ZNRF1: variants seen among roughly 807,000 people sequenced by gnomAD.
The protein encoded by ZNRF1 is zinc and ring finger 1.
In ZNRF1, 3 loss-of-function variants were observed where a neutral mutation model predicts 18.4. The ratio of observed to expected loss-of-function variants is 0.16; its 90% CI spans 0.07 to 0.42. ZNRF1 has a LOEUF of 0.42. Among genes scored for constraint, ZNRF1 ranks in the 10% least tolerant of loss-of-function variants. The pLI, the probability that ZNRF1 is intolerant of heterozygous loss-of-function variation, is 0.99. For missense variants in ZNRF1, 310 were observed against 329.8 expected (o/e 0.94, Z 0.47); for synonymous variants, 157 against 144.2 (o/e 1.09, Z -0.64).
At chr16:75,012,167 C>T (rs2035007813) in intron 1 of ZNRF1, among the ~76,000 whole-genome samples, 1 of 152,160 alleles carries the variant, frequency 6.6e-6, no homozygotes, top group African/African-American at 2.4e-5. Context: ...ATGCTGACAC[C>T]AAGCCCTGAA....
chr16:75,023,951 A>C (rs568859017), intron 1 of ZNRF1, among the ~76,000 whole-genome samples: 144 of 147,630 alleles, frequency 9.8e-4, no homozygotes, highest in African/African-American at 3.5e-3. Context: ...GCCCACTGCA[A>C]TCTCCACCTC....
At chr16:75,011,545 T>TTA (rs963752126) in intron 1 of ZNRF1, among the ~76,000 whole-genome samples, 7 of 152,200 alleles carry the variant, frequency 4.6e-5, no homozygotes, top group African/African-American at 1.7e-4. Flanking sequence ...AGACACTTTT[T>TTA]TATAGCTCTG....
chr16:75,058,033 A>G (rs1306836089), intron 1 of ZNRF1, among the ~76,000 whole-genome samples: 2 of 152,020 alleles, frequency 1.3e-5, no homozygotes, highest in African/African-American at 4.8e-5. Flanking sequence ...GAGGCCTGAG[A>G]GAGAACCGCA....
chr16:75,045,547 AG>A (rs1290690916), intron 1 of ZNRF1, among the ~76,000 whole-genome samples: 1 of 109,532 alleles, frequency 9.1e-6, no homozygotes, highest in African/African-American at 3.5e-5. Flanking sequence ...AGCCATCCAT[AG>A]TAATAGACTT....
intron 1 of ZNRF1, among the ~76,000 whole-genome samples, chr16:75,068,479 G>A (rs1280156850): frequency 1.3e-5 from 2 of 152,116 alleles, no homozygotes; most frequent in Admixed American, 6.5e-5. Flanking sequence ...AGCAGAGTCG[G>A]GAGTGGCACT....
intron 1 of ZNRF1, among the ~76,000 whole-genome samples, chr16:75,010,707 TTTTGTTTTTTTG>T (rs1440733716): frequency 2.5e-4 from 10 of 40,280 alleles, no homozygotes; most frequent in African/African-American, 4.0e-4. Context: ...TACTGTTTTT[TTTTGTTTTTTTG>T]TTTTTTTTTT....
At chr16:75,062,638 G>C (rs1229036312) in intron 1 of ZNRF1, among the ~76,000 whole-genome samples, 1 of 152,238 alleles carries the variant, frequency 6.6e-6, no homozygotes, top group Non-Finnish European at 1.5e-5. Context: ...TGTTCCTGCG[G>C]TCCTCAGTCT....
intron 1 of ZNRF1, among the ~76,000 whole-genome samples, chr16:75,057,249 C>A: frequency 6.6e-6 from 1 of 152,088 alleles, no homozygotes; most frequent in East Asian, 1.9e-4. Context: ...CTTATTCATG[C>A]CAGATTTCTA....
chr16:75,023,566 C>G (rs1192344582), intron 1 of ZNRF1, among the ~76,000 whole-genome samples: 1 of 152,112 alleles, frequency 6.6e-6, no homozygotes, highest in African/African-American at 2.4e-5. Flanking sequence ...CACCTGTAAT[C>G]CCAGCTACTC....
At chr16:75,016,102 A>G (rs2035063558) in intron 1 of ZNRF1, among the ~76,000 whole-genome samples, 1 of 150,536 alleles carries the variant, frequency 6.6e-6, no homozygotes, top group Non-Finnish European at 1.5e-5. Context: ...TTGTATTTTT[A>G]GTAGAGACGG....
chr16:75,090,704 C>G (rs4888343), intron 1 of ZNRF1, among the ~76,000 whole-genome samples: 131,871 of 152,096 alleles, frequency 0.87, 57,762 homozygotes, highest in Non-Finnish European at 0.93. Flanking sequence ...ATGGAGTCAA[C>G]TGTCCACTTT....
chr16:75,041,418 C>T (rs2035445605), intron 1 of ZNRF1, among the ~76,000 whole-genome samples: 1 of 152,118 alleles, frequency 6.6e-6, no homozygotes, highest in African/African-American at 2.4e-5. Context: ...CAGCCTCTGC[C>T]TCCTGGGTTC....
intron 1 of ZNRF1, among the ~76,000 whole-genome samples, chr16:75,075,070 CCCT>C (rs2035921797): frequency 6.6e-6 from 1 of 151,404 alleles, no homozygotes; most frequent in African/African-American, 2.4e-5. Flanking sequence ...TGCTTTTCCC[CCCT>C]ATCTCTGGGC....
intron 1 of ZNRF1, among the ~76,000 whole-genome samples, chr16:75,032,685 AT>A (rs1597869659): frequency 1.3e-5 from 2 of 152,196 alleles, no homozygotes; most frequent in African/African-American, 4.8e-5. Flanking sequence ...ATGTATAAAA[AT>A]GTCTTACAAC....
intron 1 of ZNRF1, among the ~76,000 whole-genome samples, chr16:75,052,427 A>G (rs2035617916): frequency 1.3e-5 from 2 of 151,912 alleles, no homozygotes; most frequent in African/African-American, 4.8e-5. Flanking sequence ...AAAGAAAAAG[A>G]TAATGTTATG....
At position 75,104,726 on chromosome 16, in the gene ZNRF1, C is replaced by G. The variant is rs2036293413; in HGVS notation, c.521-58C>G. On this transcript the variant is annotated intron_variant, in intron 2 of 4. Transcript: ENST00000335325. ...CTAGTTCCTAGGCCCTTGCTTGCCC[C>G]ATGCCACCTGTCCACTGGTGACTAA... The G allele has an allele frequency of 2.0e-6, 3 of 1,481,298 alleles. No individual in the cohort carries two copies. The South Asian group carries it at 3.6e-5, about 18-fold the overall frequency. 91.8% of individuals were successfully genotyped at this position (1,481,298 alleles called of 1,614,324 possible).
intron 1 of ZNRF1, among the ~76,000 whole-genome samples, chr16:75,003,949 A>G (rs925221066): frequency 2.1e-5 from 3 of 142,528 alleles, no homozygotes; most frequent in Admixed American, 1.5e-4. Context: ...TCTGCCTTCA[A>G]TCGCCTCAGA....
chr16:75,068,072 G>A (rs1423609669), intron 1 of ZNRF1, among the ~76,000 whole-genome samples: 2 of 151,346 alleles, frequency 1.3e-5, no homozygotes, highest in Non-Finnish European at 1.5e-5. Flanking sequence ...AGTATTAGAG[G>A]GCCAGGCATG....
At chr16:75,000,569 T>C (rs1353327318) in intron 1 of ZNRF1, among the ~76,000 whole-genome samples, 1 of 152,254 alleles carries the variant, frequency 6.6e-6, no homozygotes, top group Non-Finnish European at 1.5e-5. Flanking sequence ...GCTCTCACTC[T>C]TGCTGGGAGA....
Sources: gnomAD v4.1 joint callset for allele counts (sites outside exome capture counted in the v4.1 genomes callset) on GRCh38, gnomAD v4.1.1 for gene constraint, MANE v1.5 for transcripts, NCBI Gene and HGNC (gene_info 2026-07-23, HGNC 2026-07-21) for gene names.